DNAH9: variants seen among roughly 807,000 people sequenced by gnomAD.
DNAH9 encodes the protein dynein axonemal heavy chain 9.
In DNAH9, 345 loss-of-function variants were observed where a neutral mutation model predicts 471.6. That is an observed-to-expected ratio of 0.73 (90% CI 0.67 to 0.80). The LOEUF (loss-of-function observed/expected upper bound fraction) is 0.80, where lower values mean the gene tolerates loss of function less well. DNAH9 is among the 30% of genes least tolerant of loss of function. DNAH9 has a pLI of 0.00. For synonymous variants in DNAH9, 2,093 were observed against 2,123.6 expected, an observed-to-expected ratio of 0.99 and a Z score of 0.40; for missense variants, 5,407 against 5,609.2, an observed-to-expected ratio of 0.96 and a Z score of 1.15.
chr17:11,702,321 G>A (rs910950964), intron 24 of DNAH9, among the ~76,000 whole-genome samples: 3 of 152,204 alleles, frequency 2.0e-5, no homozygotes, highest in Admixed American at 2.0e-4. Flanking sequence ...TAATAAGAGA[G>A]AAGCCAGACC....
intron 24 of DNAH9, among the ~76,000 whole-genome samples, chr17:11,703,829 T>C (rs914734624): frequency 6.6e-6 from 1 of 152,152 alleles, no homozygotes; most frequent in Non-Finnish European, 1.5e-5. Context: ...CTGGGTGTCA[T>C]TGGGATGGTT....
At chr17:11,823,874 G>A (rs1970399717) in intron 48 of DNAH9, among the ~76,000 whole-genome samples, 1 of 151,260 alleles carries the variant, frequency 6.6e-6, no homozygotes, top group East Asian at 1.9e-4. Flanking sequence ...AGATTGCAGT[G>A]AGCCGAGATT....
At chr17:11,843,855 G>A (rs1436503397) in intron 49 of DNAH9, among the ~76,000 whole-genome samples, 3 of 9,234 alleles carry the variant, frequency 3.2e-4, no homozygotes, top group Admixed American at 2.3e-3. Context: ...GTGTGTGTGT[G>A]TGTGTGTGTA....
chr17:11,649,872 A>T (rs1773117400), intron 12 of DNAH9, among the ~76,000 whole-genome samples: 1 of 152,138 alleles, frequency 6.6e-6, no homozygotes, highest in African/African-American at 2.4e-5. Context: ...TGAATTTGTT[A>T]GGATACTTAG....
chr17:11,668,940 G>A (rs570774782), intron 15 of DNAH9, 124 bp from the exon 16 acceptor site: 59 of 690,668 alleles, frequency 8.5e-5, no homozygotes, highest in African/African-American at 5.2e-4. Flanking sequence ...TTACATTTCC[G>A]TTTCCCTACA....
chr17:11,771,296 T>C (rs2150880756), intron 38 of DNAH9, among the ~76,000 whole-genome samples: 1 of 152,246 alleles, frequency 6.6e-6, no homozygotes, highest in African/African-American at 2.4e-5. Context: ...ACCCAGCTAA[T>C]TTTTGGATTT....
At chr17:11,865,540 G>C (rs184978180) in intron 50 of DNAH9, among the ~76,000 whole-genome samples, 365 of 148,814 alleles carry the variant, frequency 2.5e-3, no homozygotes, top group Admixed American at 3.9e-3. Context: ...GGCGTTCTCT[G>C]TATTTCCTGA....
intron 22 of DNAH9, among the ~76,000 whole-genome samples, chr17:11,698,531 T>C (rs2074534380): frequency 6.6e-6 from 1 of 151,706 alleles, no homozygotes; most frequent in Non-Finnish European, 1.5e-5. Flanking sequence ...ATCTTGGTAT[T>C]TGTACCCAAA....
At chr17:11,912,794 G>A (rs978680607) in intron 61 of DNAH9, among the ~76,000 whole-genome samples, 1 of 152,074 alleles carries the variant, frequency 6.6e-6, no homozygotes, top group African/African-American at 2.4e-5. Context: ...GTCCTTGTCT[G>A]TTTTCAGTAT....
chr17:11,631,434 G>A (rs894947586), intron 7 of DNAH9, among the ~76,000 whole-genome samples: 1 of 151,960 alleles, frequency 6.6e-6, no homozygotes, highest in Non-Finnish European at 1.5e-5. Context: ...CCCAAAAAAG[G>A]TGGACCGTAG....
At chr17:11,765,263 T>C (rs1237682676) in intron 36 of DNAH9, among the ~76,000 whole-genome samples, 3 of 152,326 alleles carry the variant, frequency 2.0e-5, no homozygotes, top group Middle Eastern at 3.4e-3. Context: ...ACGTATCTGG[T>C]GTCTCTCTTG....
intron 28 of DNAH9, among the ~76,000 whole-genome samples, chr17:11,735,727 CTT>C (rs1683647523): frequency 6.6e-6 from 1 of 152,102 alleles, no homozygotes; most frequent in African/African-American, 2.4e-5. Flanking sequence ...GATTATTTGT[CTT>C]TTTAATGGGT....
chr17:11,671,351 C>T (rs1042564717), intron 17 of DNAH9, among the ~76,000 whole-genome samples: 8 of 152,080 alleles, frequency 5.3e-5, no homozygotes, highest in Admixed American at 3.9e-4. Flanking sequence ...CTCAAGAGGA[C>T]GGTGTATGGC....
intron 19 of DNAH9, among the ~76,000 whole-genome samples, chr17:11,683,158 GTC>G (rs983960378): frequency 2.0e-5 from 3 of 152,152 alleles, no homozygotes; most frequent in African/African-American, 7.2e-5. Context: ...TGCACCAACA[GTC>G]TCTCTCTTTT....
chr17:11,658,850 C>T (rs80227778), intron 14 of DNAH9, among the ~76,000 whole-genome samples: 4,020 of 151,900 alleles, frequency 0.026, 179 homozygotes, highest in African/African-American at 0.091. Context: ...TAAATGCATT[C>T]GATCATGTCA....
chr17:11,713,321 G>T (rs186688111), intron 26 of DNAH9, among the ~76,000 whole-genome samples: 6 of 152,182 alleles, frequency 3.9e-5, no homozygotes, highest in African/African-American at 1.4e-4. Context: ...CATTTAGGTT[G>T]ATTCTCTGTC....
intron 50 of DNAH9, among the ~76,000 whole-genome samples, chr17:11,857,754 T>C (rs1399052221): frequency 6.6e-6 from 1 of 152,078 alleles, no homozygotes; most frequent in African/African-American, 2.4e-5. Flanking sequence ...TCCTTTATAG[T>C]TTGGTGCTGT....
chr17:11,946,016 T>A (rs1402386183), intron 67 of DNAH9, among the ~76,000 whole-genome samples: 1 of 151,700 alleles, frequency 6.6e-6, no homozygotes, highest in Non-Finnish European at 1.5e-5. Flanking sequence ...CTGGCCAACA[T>A]GGTGAAACCT....
At chr17:11,664,808 A>C (rs777113637) in intron 14 of DNAH9, 25 bp from the exon 15 acceptor site, 1 of 1,602,888 alleles carries the variant, frequency 6.2e-7, no homozygotes, top group East Asian at 2.2e-5. Context: ...AACGAGGTTT[A>C]TATCCTTTCT....
Sources: gnomAD v4.1 joint callset for allele counts (sites outside exome capture counted in the v4.1 genomes callset) on GRCh38, gnomAD v4.1.1 for gene constraint, MANE v1.5 for transcripts, NCBI Gene and HGNC (gene_info 2026-07-23, HGNC 2026-07-21) for gene names.